The following ABI3BP variants were observed in gnomAD, a reference collection of about 807,000 sequenced individuals.
ABI3BP encodes the protein target of Nesh-SH3.
In ABI3BP, 216 loss-of-function variants were observed where a neutral mutation model predicts 268.6. That is an observed-to-expected ratio of 0.80 (90% CI 0.72 to 0.90). The LOEUF is 0.90. ABI3BP is among the 40% of genes least tolerant of loss of function. ABI3BP has a pLI of 0.00. For missense variants in ABI3BP, 2,090 were observed against 2,182.4 expected (o/e 0.96, Z 0.84); for synonymous variants, 730 against 730.0 (o/e 1.00, Z 0.00).
At position 100,821,189 on chromosome 3, in the gene ABI3BP, G is replaced by A. The variant is rs192865478; in HGVS notation, c.2888-76C>T. The A allele has an allele frequency of 1.9e-5, 24 of 1,245,940 alleles. No homozygotes were observed. In the East Asian group the frequency reaches 5.3e-4, roughly 28 times the overall value. The allele number at this position is 1,245,940 out of a possible 1,614,324, so 77.2% of individuals were successfully genotyped here. On this transcript the variant is annotated intron_variant, in intron 38 of 67. Transcript: ENST00000471714. Reference sequence around the variant, plus strand: ...ACTCAAAACTTTTCTTCAAAAATGAGTCTTACTAGTATAATACAGCTTATA... The same window carrying A: ...ACTCAAAACTTTTCTTCAAAAATGAATCTTACTAGTATAATACAGCTTATA...
chr3:100,916,322 G>A (rs191611168), intron 2 of ABI3BP, among the ~76,000 whole-genome samples: 2 of 152,332 alleles, frequency 1.3e-5, no homozygotes, highest in African/African-American at 4.8e-5. Flanking sequence ...ATCAGCAAAG[G>A]TTTTTCTTCC....
chr3:100,993,172 A>C (rs1192850718), intron 1 of ABI3BP, 134 bp downstream of exon 1: 1 of 609,392 alleles, frequency 1.6e-6, no homozygotes, highest in East Asian at 3.0e-5. Context: ...ACCCCTTCAC[A>C]CATTTGAACT....
At chr3:100,851,281 G>GATT (rs1187446448) in intron 15 of ABI3BP, among the ~76,000 whole-genome samples, 2 of 152,176 alleles carry the variant, frequency 1.3e-5, no homozygotes, top group Non-Finnish European at 2.9e-5. Context: ...GAATGCCAAA[G>GATT]ATTAGACCCA....
chr3:100,817,370 G>T, intron 42 of ABI3BP, 66 bp downstream of exon 42: 1 of 1,141,128 alleles, frequency 8.8e-7, no homozygotes, highest in Non-Finnish European at 1.2e-6. Context: ...ATGTGATTAT[G>T]ATAATGATGG....
At chr3:100,824,251 C>G (rs923964085) in intron 36 of ABI3BP, among the ~76,000 whole-genome samples, 1 of 152,182 alleles carries the variant, frequency 6.6e-6, no homozygotes, top group Non-Finnish European at 1.5e-5. Flanking sequence ...AGGAGTCCAT[C>G]TAGACTGGAC....
At chr3:100,969,315 A>G (rs2082554031) in intron 1 of ABI3BP, among the ~76,000 whole-genome samples, 1 of 152,202 alleles carries the variant, frequency 6.6e-6, no homozygotes, top group African/African-American at 2.4e-5. Context: ...GTGTGGTTAG[A>G]TGACATATGT....
In ABI3BP at chr3:100,885,540, G is replaced by A; in HGVS notation, c.692C>T (p.Thr231Ile). 6.5e-7 allele frequency: 1 copy of A among 1,546,340 alleles called. No individual in the cohort carries two copies. Among genetic ancestry groups the A allele is most frequent in the Non-Finnish European group, 8.8e-7 (1 of 1,140,158 alleles). Residue 231 changes from threonine (T) to isoleucine (I), a missense_variant, in exon 6 of 68, where the codon ACA becomes ATA. Thr to Ile is a moderately conservative substitution (Grantham distance 89). Coordinates refer to ENST00000471714, the MANE Select transcript of ABI3BP (RefSeq NM_001375547.2). Reference protein sequence around the residue: ...KIQSTYDQDHTVPAYVPRKLI... With the variant: ...KIQSTYDQDHIVPAYVPRKLI... The stretch of plus-strand genomic sequence containing the variant: ...TGAAAATAAACTGTTACATACCACT[G>A]TGTGGTCTTGGTCATAGGTACTTTG...
intron 15 of ABI3BP, among the ~76,000 whole-genome samples, chr3:100,851,125 A>G (rs1186057982): frequency 6.6e-6 from 1 of 152,178 alleles, no homozygotes; most frequent in African/African-American, 2.4e-5. Context: ...ACATACAAAA[A>G]ATATCAGACA....
At chr3:100,965,082 G>A (rs1562122937) in intron 1 of ABI3BP, among the ~76,000 whole-genome samples, 2 of 152,194 alleles carry the variant, frequency 1.3e-5, no homozygotes, top group Non-Finnish European at 2.9e-5. Flanking sequence ...TTGGAGTGGA[G>A]CCTTCTTATT....
At chr3:100,923,779 A>G (rs184394141) in intron 2 of ABI3BP, among the ~76,000 whole-genome samples, 1 of 152,220 alleles carries the variant, frequency 6.6e-6, no homozygotes, top group Non-Finnish European at 1.5e-5. Flanking sequence ...GAATAATAGA[A>G]TGAGAAAATT....
chr3:100,844,219 A>G (rs1355499544), intron 20 of ABI3BP: 2 of 985,338 alleles, frequency 2.0e-6, no homozygotes, highest in Non-Finnish European at 2.4e-6. Flanking sequence ...AACAATTTAC[A>G]ATTCTATCCA....
intron 45 of ABI3BP, among the ~76,000 whole-genome samples, chr3:100,812,793 T>C (rs1415872674): frequency 6.6e-6 from 1 of 152,110 alleles, no homozygotes; most frequent in African/African-American, 2.4e-5. Flanking sequence ...GAAATTACAG[T>C]CCTACGGAAG....
intron 1 of ABI3BP, among the ~76,000 whole-genome samples, chr3:100,957,128 T>C (rs990969697): frequency 6.6e-6 from 1 of 152,182 alleles, no homozygotes; most frequent in African/African-American, 2.4e-5. Context: ...TTTAGGAAAC[T>C]ATAGCAATAA....
chr3:100,868,723 GT>G (rs1298154822), intron 9 of ABI3BP, among the ~76,000 whole-genome samples: 1 of 152,202 alleles, frequency 6.6e-6, no homozygotes, highest in Non-Finnish European at 1.5e-5. Context: ...TGTTTCTGAA[GT>G]TGCAAAGCAT....
At chr3:100,967,503 CA>C (rs5851238) in intron 1 of ABI3BP, among the ~76,000 whole-genome samples, 91,157 of 114,010 alleles carry the variant, frequency 0.8, 35,166 homozygotes, top group East Asian at 0.93. Flanking sequence ...GACTCCATCT[CA>C]AAAAAAAAAA....
intron 62 of ABI3BP, among the ~76,000 whole-genome samples, chr3:100,769,540 C>T (rs890451854): frequency 1.3e-5 from 2 of 152,180 alleles, no homozygotes; most frequent in Non-Finnish European, 2.9e-5. Context: ...AGTTCCAACT[C>T]AATGTTCCGT....
chr3:100,774,991 G>A (rs2096659883), intron 60 of ABI3BP, among the ~76,000 whole-genome samples: 2 of 152,150 alleles, frequency 1.3e-5, no homozygotes, highest in African/African-American at 4.8e-5. Context: ...ATGAACCAAA[G>A]TTACGCAGTT....
chr3:100,977,190 T>A (rs1339668354), intron 1 of ABI3BP, among the ~76,000 whole-genome samples: 1 of 152,174 alleles, frequency 6.6e-6, no homozygotes, highest in African/African-American at 2.4e-5. Context: ...TATTTACACT[T>A]CTCATTCTAT....
At chr3:100,796,353 ATTTT>A in intron 52 of ABI3BP, 52 bp downstream of exon 52, 1 of 1,199,330 alleles carries the variant, frequency 8.3e-7, no homozygotes, top group African/African-American at 1.6e-5. Context: ...TACTTCAAGA[ATTTT>A]TTTTTTTGAA....
Sources: allele counts gnomAD v4.1 joint callset (sites outside exome capture counted in the v4.1 genomes callset), GRCh38; gene constraint gnomAD v4.1.1; transcripts MANE v1.5; gene names NCBI Gene and HGNC (gene_info 2026-07-23, HGNC 2026-07-21).